CEP63: variants seen among roughly 807,000 people sequenced by gnomAD.
CEP63 encodes centrosomal protein 63, also known as centrosomal protein of 63 kDa.
CEP63 carries 84 observed loss-of-function variants against 89.1 expected under a neutral mutation model. That is an observed-to-expected ratio of 0.94 (90% CI 0.79 to 1.13). The LOEUF (loss-of-function observed/expected upper bound fraction) is 1.13. Among genes scored for constraint, CEP63 ranks in the 50% most tolerant of loss-of-function variants. The probability of loss-of-function intolerance (pLI) is 0.00; values close to 1 mark genes in which losing one functional copy is unlikely to be tolerated. For missense variants in CEP63, 838 were observed against 813.3 expected, an observed-to-expected ratio of 1.03 and a Z score of -0.37; for synonymous variants, 267 against 272.5, an observed-to-expected ratio of 0.98 and a Z score of 0.20.
At chr3:134,486,607 TCC>T in intron 1 of CEP63, 1 of 108,068 alleles carries the variant, frequency 9.3e-6, no homozygotes, top group Non-Finnish European at 1.2e-5. Flanking sequence ...GGACCCACCT[TCC>T]TTTTCAGCGG....
At chr3:134,496,502 C>T (rs1018999673) in intron 2 of CEP63, among the ~76,000 whole-genome samples, 5 of 151,692 alleles carry the variant, frequency 3.3e-5, no homozygotes, top group African/African-American at 7.3e-5. Context: ...CTGATCTGGA[C>T]GGTTGTCAAC....
At chr3:134,762,512 T>G in the CEP63 span, among the ~76,000 whole-genome samples, 1 of 152,020 alleles carries the variant, frequency 6.6e-6, no homozygotes, top group African/African-American at 2.4e-5. Context: ...ACAAAGGTAT[T>G]CAAGTTAAAA....
chr3:134,626,818 G>C, the CEP63 span, among the ~76,000 whole-genome samples: 36 of 152,210 alleles, frequency 2.4e-4, no homozygotes, highest in Non-Finnish European at 2.9e-5. Flanking sequence ...TGTGCTGTGT[G>C]GTCCAAATGC....
At chr3:134,757,546 GA>G in the CEP63 span, among the ~76,000 whole-genome samples, 1 of 152,076 alleles carries the variant, frequency 6.6e-6, no homozygotes, top group Admixed American at 6.5e-5. Context: ...GGTAGGAGTA[GA>G]AAAAGAGGAA....
intron 6 of CEP63, among the ~76,000 whole-genome samples, chr3:134,543,392 G>C (rs565934887): frequency 8.5e-5 from 13 of 152,290 alleles, no homozygotes; most frequent in Admixed American, 3.3e-4. Flanking sequence ...TTGTACTTGA[G>C]TTGATTAATG....
At chr3:134,487,793 C>T (rs947505525) in intron 1 of CEP63, among the ~76,000 whole-genome samples, 3 of 152,234 alleles carry the variant, frequency 2.0e-5, no homozygotes, top group Non-Finnish European at 4.4e-5. Context: ...TCAACTGTCT[C>T]TTAAATGTCT....
At chr3:134,603,872 A>C in the CEP63 span, 1 of 1,614,048 alleles carries the variant, frequency 6.2e-7, no homozygotes, top group Non-Finnish European at 8.5e-7. Context: ...AACATGGGCC[A>C]GTTCACCTTG....
At chr3:134,725,989 T>A in the CEP63 span, among the ~76,000 whole-genome samples, 1 of 152,160 alleles carries the variant, frequency 6.6e-6, no homozygotes, top group Non-Finnish European at 1.5e-5. Flanking sequence ...AGAGTTAATG[T>A]GATAATGTTT....
intron 3 of CEP63, among the ~76,000 whole-genome samples, chr3:134,523,133 T>G (rs761615655): frequency 1.3e-5 from 2 of 152,220 alleles, no homozygotes; most frequent in Non-Finnish European, 2.9e-5. Context: ...GGTTTTGATT[T>G]GTGTTTCTCT....
chr3:134,673,427 C>T, the CEP63 span, among the ~76,000 whole-genome samples: 1 of 152,272 alleles, frequency 6.6e-6, no homozygotes, highest in South Asian at 2.1e-4. Context: ...CCCTGCAATG[C>T]GTGGTGCCTT....
chr3:134,497,215 A>G (rs1221842606), intron 2 of CEP63, among the ~76,000 whole-genome samples: 1 of 152,176 alleles, frequency 6.6e-6, no homozygotes, highest in Non-Finnish European at 1.5e-5. Flanking sequence ...CCCATTCTAC[A>G]AGTTGTCTTT....
chr3:134,728,484 G>A, the CEP63 span, among the ~76,000 whole-genome samples: 5 of 152,168 alleles, frequency 3.3e-5, no homozygotes, highest in African/African-American at 1.2e-4. Flanking sequence ...ACAATCAGAA[G>A]CTACTTAGAT....
chr3:134,646,683 G>C, the CEP63 span, among the ~76,000 whole-genome samples: 1 of 152,128 alleles, frequency 6.6e-6, no homozygotes, highest in Non-Finnish European at 1.5e-5. Flanking sequence ...ATGGAGGGTG[G>C]TTCCTTTACA....
the CEP63 span, among the ~76,000 whole-genome samples, chr3:134,650,163 A>AT: frequency 2.0e-5 from 3 of 152,174 alleles, no homozygotes; most frequent in Non-Finnish European, 4.4e-5. Flanking sequence ...CAGTCACTTT[A>AT]TTTTACCAAT....
At chr3:134,570,976 A>G (rs1316192149) in intron 11 of CEP63, among the ~76,000 whole-genome samples, 1 of 152,230 alleles carries the variant, frequency 6.6e-6, no homozygotes, top group East Asian at 1.9e-4. Flanking sequence ...CATGAGACTT[A>G]TTCATCACAG....
chr3:134,522,293 G>A (rs1247110435), intron 3 of CEP63, among the ~76,000 whole-genome samples: 2 of 152,126 alleles, frequency 1.3e-5, no homozygotes, highest in Non-Finnish European at 1.5e-5. Flanking sequence ...GAATCATTAG[G>A]TGTGACTCTC....
Position 134,540,361 on chromosome 3 carries a change from C to T in CEP63, c.555+3093C>T, listed in dbSNP as rs111757163. Among the ~76,000 whole-genome samples the T allele has an allele frequency of 1.7e-3, 255 of 152,168 alleles. 2 individuals carry two copies. The highest frequency in any genetic ancestry group is 5.9e-3 in the African/African-American group (246 of 41,518). ...AGAACATTTAGTTTTTTACTTTTCA[C>T]TTTTGTAAATAGTGCTTAGATTAAC... is the stretch of plus-strand genomic sequence containing the variant. On this transcript the variant is annotated intron_variant, in intron 6 of 14. Coordinates refer to ENST00000675561, the MANE Select transcript of CEP63 (RefSeq NM_001353108.3).
At chr3:134,623,671 C>T in the CEP63 span, among the ~76,000 whole-genome samples, 1 of 152,090 alleles carries the variant, frequency 6.6e-6, no homozygotes, top group South Asian at 2.1e-4. Context: ...GCTTGCTCTT[C>T]CACCCACCTG....
In CEP63 at chr3:134,564,315, TCTC is replaced by T. The variant is rs1393778169; in HGVS notation, c.*2784_*2786del. On this transcript the variant is annotated 3_prime_UTR_variant, in exon 15 of 15. Coordinates refer to ENST00000675561, the MANE Select transcript of CEP63 (RefSeq NM_001353108.3). ...GGTGTGCATGCTGTCCTTCAGTTTG[TCTC>T]CTCTTCCCACACCCTGTCATGTGCT... 4 of 985,212 alleles carry T rather than the reference TCTC, an allele frequency of 4.1e-6. No individual in the cohort carries two copies. In the African/African-American group the frequency reaches 7.0e-5, roughly 17 times the overall value. 61.0% of individuals were successfully genotyped at this position (985,212 alleles called of 1,614,324 possible). A position where few individuals can be genotyped will look rare whatever the true frequency, so the allele number is the denominator to read the frequency against.
Sources: allele counts gnomAD v4.1 joint callset (sites outside exome capture counted in the v4.1 genomes callset), GRCh38; gene constraint gnomAD v4.1.1; transcripts MANE v1.5; gene names NCBI Gene and HGNC (gene_info 2026-07-23, HGNC 2026-07-21).